The following SLC16A14 variants were observed in gnomAD, a reference collection of about 807,000 sequenced individuals.
SLC16A14 encodes solute carrier family 16 member 14, also known as monocarboxylate transporter 14.
Under a neutral mutation model 35.8 loss-of-function variants are expected in SLC16A14, and 14 were observed. That is an observed-to-expected ratio of 0.39 (90% CI 0.26 to 0.61). SLC16A14 has a LOEUF of 0.61. Among genes scored for constraint, SLC16A14 ranks in the 20% least tolerant of loss-of-function variants. The pLI is 0.51. For missense variants in SLC16A14, 533 were observed against 655.0 expected, an observed-to-expected ratio of 0.81 and a Z score of 2.03; for synonymous variants, 248 against 258.9, an observed-to-expected ratio of 0.96 and a Z score of 0.40.
At position 230,050,896 on chromosome 2, in the gene SLC16A14, A is replaced by AGT. The variant is rs1291133952; in HGVS notation, c.260-993_260-992insAC. ...GGAGTACAGGAAGGGAGTCTTCAGA[A>AGT]CTCCTGGGCTTCAGGCAGAAAACTA... On this transcript the variant is annotated intron_variant, in intron 2 of 4. Coordinates refer to ENST00000295190, the MANE Select transcript of SLC16A14 (RefSeq NM_152527.5). Among the ~76,000 whole-genome samples, 10 of 152,302 alleles carry AGT rather than the reference A, an allele frequency of 6.6e-5. No homozygotes were observed. The East Asian group carries it at 1.2e-3, about 18-fold the overall frequency.
intron 3 of SLC16A14, among the ~76,000 whole-genome samples, chr2:230,047,391 G>A (rs761549665): frequency 2.8e-5 from 4 of 145,250 alleles, no homozygotes; most frequent in Middle Eastern, 3.6e-3. Flanking sequence ...AGCTCATTGC[G>A]TCCTCGAACT....
At chr2:230,057,137 T>G (rs2077712194) in intron 2 of SLC16A14, among the ~76,000 whole-genome samples, 1 of 152,058 alleles carries the variant, frequency 6.6e-6, no homozygotes, top group African/African-American at 2.4e-5. Context: ...CACCTTTAAG[T>G]GAAACAACTG....
intron 1 of SLC16A14, among the ~76,000 whole-genome samples, chr2:230,063,126 A>T (rs2077764016): frequency 1.3e-5 from 2 of 152,170 alleles, no homozygotes; most frequent in South Asian, 2.1e-4. Flanking sequence ...GTCTCTACTA[A>T]AAATAGAAAA....
chr2:230,067,556 C>G (rs1227108112), intron 1 of SLC16A14, among the ~76,000 whole-genome samples: 1 of 148,702 alleles, frequency 6.7e-6, no homozygotes, highest in Admixed American at 6.7e-5. Flanking sequence ...CTCTCTCTCT[C>G]TCTCTCTCTC....
chr2:230,044,867 C>T (rs2106249186), intron 4 of SLC16A14, among the ~76,000 whole-genome samples: 1 of 152,022 alleles, frequency 6.6e-6, no homozygotes, highest in East Asian at 1.9e-4. Flanking sequence ...GTGTGAGCTA[C>T]CACTCCTGGC....
chr2:230,041,572 C>T lies in SLC16A14; in HGVS notation c.1382-4041G>A, dbSNP rs192700410. 3.0e-3 allele frequency among the ~76,000 whole-genome samples: 455 copies of T among 152,208 alleles called. 3 individuals carry two copies. The highest frequency in any genetic ancestry group is 0.011 in the African/African-American group (437 of 41,534). ...CTCCAACTCCTGACCTCAGGTGATC[C>T]GCCCATCTCCGCCTCTCAAAGTGCT... On this transcript the variant is annotated intron_variant, in intron 4 of 4. Transcript: ENST00000295190.
At chr2:230,037,628 A>G in intron 4 of SLC16A14, 97 bp from the exon 5 acceptor site, 2 of 943,228 alleles carry the variant, frequency 2.1e-6, no homozygotes, top group Non-Finnish European at 3.1e-6. Flanking sequence ...ACATGTTTCT[A>G]CAAGAATTTA....
chr2:230,046,440 A>T lies in SLC16A14; in HGVS notation c.686T>A (p.Leu229Gln), dbSNP rs201031065. ...NDPGEKDVRGLPAHSTESVKS... is the reference protein window; with the variant it reads ...NDPGEKDVRGQPAHSTESVKS... ...CACAGATTCTGTGGAGTGCGCTGGC[A>T]GGCCACGCACATCTTTCTCTCCTGG... The change falls in exon 4 of 5, where the codon CTG becomes CAG. Residue 229 changes from leucine to glutamine, a missense_variant. Transcript: ENST00000295190. The surrounding 1 kb of genome is among the most constrained non-coding windows in gnomAD (Gnocchi z 5.0). The T allele has an allele frequency of 1.2e-6, 2 of 1,614,214 alleles. No homozygotes were observed. Among genetic ancestry groups the T allele is most frequent in the Non-Finnish European group, 1.7e-6 (2 of 1,180,044 alleles).
At chr2:230,053,171 G>A (rs1434166325) in intron 2 of SLC16A14, among the ~76,000 whole-genome samples, 1 of 152,106 alleles carries the variant, frequency 6.6e-6, no homozygotes, top group East Asian at 1.9e-4. Flanking sequence ...TCAAACTGCT[G>A]ACCTCAGGTG....
At chr2:230,064,777 G>A (rs1318337198) in intron 1 of SLC16A14, among the ~76,000 whole-genome samples, 1 of 152,164 alleles carries the variant, frequency 6.6e-6, no homozygotes, top group African/African-American at 2.4e-5. Flanking sequence ...TTGGGAGGCC[G>A]AGGTAGGCGG....
At chr2:230,057,706 A>G (rs111643472) in intron 2 of SLC16A14, among the ~76,000 whole-genome samples, 1,768 of 152,310 alleles carry the variant, frequency 0.012, 26 homozygotes, top group African/African-American at 0.04. Flanking sequence ...TCAATAATGA[A>G]AAATCAATAA....
At chr2:230,039,627 A>C (rs2077544083) in intron 4 of SLC16A14, among the ~76,000 whole-genome samples, 1 of 152,202 alleles carries the variant, frequency 6.6e-6, no homozygotes, top group African/African-American at 2.4e-5. Flanking sequence ...GAATAACTGT[A>C]ATCTACAATT....
Position 230,046,214 on chromosome 2 carries a change from G to A in SLC16A14, c.912C>T (p.Tyr304=), listed in dbSNP as rs751005926. 7 of 1,614,238 alleles carry A rather than the reference G, an allele frequency of 4.3e-6. No individual in the cohort carries two copies. Among genetic ancestry groups the A allele is most frequent in the Non-Finnish European group, 5.9e-6 (7 of 1,180,048 alleles). Residue 304 remains tyrosine (Y), a synonymous_variant, in exon 4 of 5, where the codon TAC becomes TAT. Coordinates refer to ENST00000295190, the MANE Select transcript of SLC16A14 (RefSeq NM_152527.5). This position sits in a 1 kb window ranked among gnomAD's most constrained non-coding sequence, Gnocchi z 5.0. ...TTGTAAATAGAGAGGCTGTCCCAAA[G>A]TAGCCCGAATACCAGTCCTCGAAGC... ...RKGFEDWYSG[Y]FGTASLFTNR...
intron 2 of SLC16A14, among the ~76,000 whole-genome samples, chr2:230,056,515 C>T (rs1478210657): frequency 6.6e-6 from 1 of 152,040 alleles, no homozygotes; most frequent in Non-Finnish European, 1.5e-5. Context: ...CTCAGCCTCC[C>T]GAAGTGCTGG....
intron 3 of SLC16A14, among the ~76,000 whole-genome samples, chr2:230,047,307 CTTTTTTTTTTT>C (rs56262602): frequency 5.4e-5 from 6 of 110,344 alleles, no homozygotes; most frequent in Admixed American, 3.1e-4. Context: ...TATCTGACTT[CTTTTTTTTTTT>C]TTTTTTTTTT....
At chr2:230,057,836 G>A (rs1292097989) in intron 2 of SLC16A14, among the ~76,000 whole-genome samples, 2 of 152,144 alleles carry the variant, frequency 1.3e-5, no homozygotes, top group Non-Finnish European at 2.9e-5. Flanking sequence ...AGACCAGCCT[G>A]GCCAACATGG....
chr2:230,041,497 A>G (rs2077560008), intron 4 of SLC16A14, among the ~76,000 whole-genome samples: 2 of 152,044 alleles, frequency 1.3e-5, no homozygotes, highest in South Asian at 2.1e-4. Context: ...ACAGGTGCCT[A>G]ATTTTTGTAT....
intron 4 of SLC16A14, among the ~76,000 whole-genome samples, chr2:230,039,252 G>T (rs1278513237): frequency 1.3e-5 from 2 of 151,508 alleles, no homozygotes; most frequent in Non-Finnish European, 2.9e-5. Flanking sequence ...TCGTTAAAAG[G>T]TATGAATTCT....
chr2:230,057,827 G>A (rs2077717985), intron 2 of SLC16A14, among the ~76,000 whole-genome samples: 1 of 152,164 alleles, frequency 6.6e-6, no homozygotes, highest in Non-Finnish European at 1.5e-5. Context: ...AGGAGTTTAA[G>A]ACCAGCCTGG....
Sources: gnomAD v4.1 joint callset for allele counts (sites outside exome capture counted in the v4.1 genomes callset) on GRCh38, gnomAD v4.1.1 for gene constraint, Gnocchi (gnomAD v3.1) non-coding constraint, MANE v1.5 for transcripts, NCBI Gene and HGNC (gene_info 2026-07-23, HGNC 2026-07-21) for gene names.